SLC10A6: variants seen among roughly 807,000 people sequenced by gnomAD.
SLC10A6 encodes the protein solute carrier family 10 member 6.
A neutral mutation model predicts 30.0 loss-of-function variants in SLC10A6; 27 were observed. The ratio of observed to expected loss-of-function variants is 0.90; its 90% confidence interval spans 0.66 to 1.24. The LOEUF (loss-of-function observed/expected upper bound fraction) is 1.24, where lower values mean the gene tolerates loss of function less well. Ranked by LOEUF, SLC10A6 falls within the 50% of genes most tolerant of loss-of-function variation. SLC10A6 has a pLI of 0.00. For synonymous variants in SLC10A6, 166 were observed against 173.8 expected (o/e 0.95, Z 0.36); for missense variants, 439 against 457.0 (o/e 0.96, Z 0.36).
chr4:86,839,981 T>C (rs1488173547), intron 1 of SLC10A6, among the ~76,000 whole-genome samples: 1 of 151,554 alleles, frequency 6.6e-6, no homozygotes, highest in African/African-American at 2.4e-5. Context: ...TGATCTTGAC[T>C]CACTGCAAGC....
At chr4:86,840,068 C>G (rs372098399) in intron 1 of SLC10A6, among the ~76,000 whole-genome samples, 2 of 151,266 alleles carry the variant, frequency 1.3e-5, no homozygotes, top group Admixed American at 6.6e-5. Context: ...CGCCACCACA[C>G]CAGGCTAATT....
intron 1 of SLC10A6, among the ~76,000 whole-genome samples, chr4:86,837,294 G>GAAAGAAAGAAAGAAA (rs1560460401): frequency 2.9e-5 from 2 of 68,758 alleles, no homozygotes; most frequent in African/African-American, 7.9e-5. Flanking sequence ...AAAAAGAAAG[G>GAAAGAAAGAAAGAAA]AAGGAAGGAA....
At chr4:86,824,698 A>C (rs1215906633) in intron 5 of SLC10A6, among the ~76,000 whole-genome samples, 5 of 152,064 alleles carry the variant, frequency 3.3e-5, no homozygotes, top group African/African-American at 1.2e-4. Context: ...ACAGTACCCA[A>C]CAGTTTGTTT....
At position 86,825,626 on chromosome 4, in the gene SLC10A6, A is replaced by G. The variant is rs538131980; in HGVS notation, c.762-49T>C. On this transcript the variant is annotated intron_variant, in intron 4 of 5. Transcript: ENST00000273905. ...GAGTAACGCACTAGCAATAAGAACT[A>G]TTCTAATATTTTCTCATATGCATCA... The G allele has an allele frequency of 1.2e-5, 18 of 1,515,034 alleles. No homozygotes were observed. In the South Asian group the frequency reaches 1.9e-4, roughly 16 times the overall value. 93.8% of individuals were successfully genotyped at this position (1,515,034 alleles called of 1,614,324 possible). A position where few individuals can be genotyped will look rare whatever the true frequency, so the allele number is the denominator to read the frequency against.
intron 1 of SLC10A6, among the ~76,000 whole-genome samples, chr4:86,845,811 G>A (rs1241191947): frequency 1.3e-5 from 2 of 152,180 alleles, no homozygotes; most frequent in Admixed American, 1.3e-4. Context: ...CACAGGGCAA[G>A]GCTAAGATGA....
At chr4:86,835,924 G>C (rs1022899795) in intron 1 of SLC10A6, among the ~76,000 whole-genome samples, 1 of 147,826 alleles carries the variant, frequency 6.8e-6, no homozygotes, top group Non-Finnish European at 1.5e-5. Context: ...TAAGGTGATA[G>C]TGGGACATCC....
At chr4:86,828,631 G>C (rs1357129186) in intron 3 of SLC10A6, among the ~76,000 whole-genome samples, 1 of 151,854 alleles carries the variant, frequency 6.6e-6, no homozygotes, top group Admixed American at 6.6e-5. Flanking sequence ...GCAGCTGCCT[G>C]CTGCTTTGAT....
At chr4:86,834,978 A>G (rs1746155595) in intron 1 of SLC10A6, among the ~76,000 whole-genome samples, 1 of 152,150 alleles carries the variant, frequency 6.6e-6, no homozygotes, top group Non-Finnish European at 1.5e-5. Flanking sequence ...ATCACCAAGG[A>G]GATGGCATTA....
At position 86,823,688 on chromosome 4, in the gene SLC10A6, C is replaced by A; in HGVS notation, c.1134G>T (p.Ter378TyrextTer22). ...GGCCAGTCCAGCCAGCTAGTCCCTGCTATTCACATGAAGTGATGTGGCCAA... is the reference window on the plus strand; with the variant it reads ...GGCCAGTCCAGCCAGCTAGTCCCTGATATTCACATGAAGTGATGTGGCCAA... Reference protein sequence around the residue: ...EPVGHITSCE* With the variant: ...EPVGHITSCEY The change falls in exon 6 of 6, where the codon TAG (stop) becomes TAT (tyrosine). Residue 378 changes from the stop codon to tyrosine (Y), a stop_lost. Coordinates refer to ENST00000273905, the MANE Select transcript of SLC10A6 (RefSeq NM_197965.3). The A allele has an allele frequency of 6.3e-7, 1 of 1,598,280 alleles. No homozygotes were observed. The highest frequency in any genetic ancestry group is 8.5e-7 in the Non-Finnish European group (1 of 1,172,372).
At chr4:86,828,223 T>C (rs1746029228) in intron 3 of SLC10A6, 55 bp from the exon 4 acceptor site, 6 of 1,555,602 alleles carry the variant, frequency 3.9e-6, no homozygotes, top group East Asian at 2.3e-5. Context: ...TGCTCTATGA[T>C]ACAAAGTCCA....
chr4:86,830,728 A>C (rs979648776), intron 3 of SLC10A6, among the ~76,000 whole-genome samples: 1 of 152,184 alleles, frequency 6.6e-6, no homozygotes, highest in Non-Finnish European at 1.5e-5. Flanking sequence ...AAAAGCTTAA[A>C]CCAAGCCAAA....
Position 86,828,132 on chromosome 4 carries a change from C to T in SLC10A6, c.622G>A (p.Val208Ile), listed in dbSNP as rs752890232. The T allele has an allele frequency of 3.7e-6, 6 of 1,613,634 alleles. No homozygotes were observed. In the South Asian group the frequency reaches 6.6e-5, roughly 18 times the overall value. ...AVVGGVLLLVVAVAGVVLAKG... is the reference protein window; with the variant it reads ...AVVGGVLLLVIAVAGVVLAKG... ...GCCAGGACCACACCAGCAACTGCGA[C>T]CACCAGAAGGAGGACCCCACCAACA... Residue 208 changes from valine to isoleucine, a missense_variant, in exon 4 of 6, where the codon GTC becomes ATC. Coordinates refer to ENST00000273905, the MANE Select transcript of SLC10A6 (RefSeq NM_197965.3).
chr4:86,830,082 T>C lies in SLC10A6; in HGVS notation c.585+1710A>G, dbSNP rs535032820. Among the ~76,000 whole-genome samples the C allele has an allele frequency of 1.6e-4, 24 of 152,322 alleles. No individual in the cohort carries two copies. In the East Asian group the frequency reaches 4.6e-3, roughly 29 times the overall value. On this transcript the variant is annotated intron_variant, in intron 3 of 5. Coordinates refer to ENST00000273905, the MANE Select transcript of SLC10A6 (RefSeq NM_197965.3). ...AACTACCACACTGGAAATTTTCTCC[T>C]ACTGAAATAACAATAATAAATGTGG...
At chr4:86,846,485 C>T (rs968065750) in intron 1 of SLC10A6, among the ~76,000 whole-genome samples, 2 of 152,028 alleles carry the variant, frequency 1.3e-5, no homozygotes, top group African/African-American at 4.8e-5. Flanking sequence ...TTTGGGAGGC[C>T]GAGACAAGAG....
intron 1 of SLC10A6, among the ~76,000 whole-genome samples, chr4:86,841,198 T>A (rs1560461427): frequency 6.6e-6 from 1 of 152,214 alleles, no homozygotes; most frequent in Non-Finnish European, 1.5e-5. Flanking sequence ...AGACTCATGA[T>A]TATGGGAAGC....
intron 5 of SLC10A6, among the ~76,000 whole-genome samples, chr4:86,824,299 C>A (rs1011489584): frequency 2.0e-5 from 3 of 152,166 alleles, no homozygotes; most frequent in African/African-American, 7.2e-5. Flanking sequence ...TTGCTTCAGT[C>A]TCTCCATGAG....
intron 3 of SLC10A6, among the ~76,000 whole-genome samples, chr4:86,829,498 G>A (rs922303113): frequency 2.0e-5 from 3 of 151,974 alleles, no homozygotes; most frequent in Admixed American, 6.6e-5. Flanking sequence ...TATCCACCAA[G>A]AGCAAATGGG....
At position 86,843,731 on chromosome 4, in the gene SLC10A6, G is replaced by T. The variant is rs1578760574; in HGVS notation, c.377+5008C>A. On this transcript the variant is annotated intron_variant, in intron 1 of 5. Coordinates refer to ENST00000273905, the MANE Select transcript of SLC10A6 (RefSeq NM_197965.3). ...CTCCTTGAGCAGGGACTAAAACACA[G>T]ACCCAGGACACGATGTTCTTTTGCC... 6.6e-5 allele frequency among the ~76,000 whole-genome samples: 10 copies of T among 152,172 alleles called. No homozygotes were observed. In the South Asian group the frequency reaches 2.1e-3, roughly 32 times the overall value.
intron 2 of SLC10A6, 41 bp downstream of exon 2, chr4:86,833,265 A>G (rs768882749): frequency 2.4e-5 from 34 of 1,426,808 alleles, no homozygotes; most frequent in Non-Finnish European, 3.0e-6. Flanking sequence ...TAGTATCATC[A>G]CCATTACTGT....
Sources: allele counts gnomAD v4.1 joint callset (sites outside exome capture counted in the v4.1 genomes callset), GRCh38; gene constraint gnomAD v4.1.1; transcripts MANE v1.5; gene names NCBI Gene and HGNC (gene_info 2026-07-23, HGNC 2026-07-21).